Variants in CRB1 observed in about 807,000 individuals in gnomAD.
CRB1 encodes the protein crumbs cell polarity complex component 1, also known as protein crumbs homolog 1.
A neutral mutation model predicts 120.0 loss-of-function variants in CRB1; 83 were observed. The observed-to-expected ratio is 0.69, with a 90% CI of 0.58 to 0.83. The LOEUF (loss-of-function observed/expected upper bound fraction) is 0.83, where lower values mean the gene tolerates loss of function less well. Ranked by LOEUF, CRB1 falls within the 40% of genes least tolerant of loss-of-function variation. The probability of loss-of-function intolerance (pLI) is 0.00; values close to 1 mark genes in which losing one functional copy is unlikely to be tolerated. For missense variants in CRB1, 1,699 were observed against 1,687.6 expected (o/e 1.01, Z -0.12); for synonymous variants, 625 against 612.5 (o/e 1.02, Z -0.30).
intron 1 of CRB1, among the ~76,000 whole-genome samples, chr1:197,271,907 G>A (rs1218873924): frequency 1.3e-5 from 2 of 152,072 alleles, no homozygotes; most frequent in Non-Finnish European, 2.9e-5. Context: ...TACGTTTAAA[G>A]TATGATCACA....
rs184869404 is a variant in CRB1 at position 197,415,550 on chromosome 1, C to T, written c.1172-5450C>T. On this transcript the variant is annotated intron_variant, in intron 5 of 11. Coordinates refer to ENST00000367400, the MANE Select transcript of CRB1 (RefSeq NM_201253.3). ...TGTCACCTCTAAATGTTAAGCTTTC[C>T]CATCGATGAGTGTTTTGTTTATTCA... Among the ~76,000 whole-genome samples the T allele has an allele frequency of 2.4e-3, 367 of 152,212 alleles. 2 individuals carry two copies. Among genetic ancestry groups the T allele is most frequent in the Middle Eastern group, 6.8e-3 (2 of 294 alleles).
At chr1:197,201,797 C>T in the CRB1 span, among the ~76,000 whole-genome samples, 1 of 152,054 alleles carries the variant, frequency 6.6e-6, no homozygotes, top group Admixed American at 6.5e-5. Flanking sequence ...GATCTCGTTT[C>T]GTTATTTTTC....
intron 2 of CRB1, among the ~76,000 whole-genome samples, chr1:197,334,680 C>T (rs183142207): frequency 2.6e-3 from 391 of 152,258 alleles, no homozygotes; most frequent in Middle Eastern, 3.4e-3. Flanking sequence ...TTATAAATTA[C>T]CCAGTCCTAT....
chr1:197,424,777 T>C (rs1664500605), intron 6 of CRB1, among the ~76,000 whole-genome samples: 1 of 152,222 alleles, frequency 6.6e-6, no homozygotes, highest in African/African-American at 2.4e-5. Context: ...TTTATTCTTG[T>C]TAAATTTCAT....
At chr1:197,407,426 A>T (rs907573494) in intron 5 of CRB1, among the ~76,000 whole-genome samples, 1 of 152,230 alleles carries the variant, frequency 6.6e-6, no homozygotes, top group Non-Finnish European at 1.5e-5. Flanking sequence ...TTTTAGGAAC[A>T]GTTTAAATGC....
chr1:197,475,245 C>A (rs779399553), intron 11 of CRB1, among the ~76,000 whole-genome samples: 19 of 152,128 alleles, frequency 1.2e-4, no homozygotes, highest in Non-Finnish European at 2.5e-4. Flanking sequence ...ACCAGCTTTT[C>A]CCAGCCTGAC....
chr1:197,258,059 C>A, the CRB1 span, among the ~76,000 whole-genome samples: 3 of 152,226 alleles, frequency 2.0e-5, no homozygotes, highest in South Asian at 6.2e-4. Flanking sequence ...TTGATATTAT[C>A]TTTTATTCTA....
rs145201682 is a variant in CRB1, at chr1:197,426,650, G to A, written c.2129-804G>A. Among the ~76,000 whole-genome samples, 1,481 of 152,190 alleles carry A rather than the reference G, an allele frequency of 9.7e-3. 10 individuals are homozygous for A. The highest frequency in any genetic ancestry group is 0.014 in the Non-Finnish European group (944 of 68,010). Reference sequence around the variant, plus strand: ...GCATCACTAACTCCTCTGACCACAGGAAATGCAGGGTGGGTTTAATACTCA... The same window carrying A: ...GCATCACTAACTCCTCTGACCACAGAAAATGCAGGGTGGGTTTAATACTCA... On this transcript the variant is annotated intron_variant, in intron 6 of 11. Coordinates refer to ENST00000367400, the MANE Select transcript of CRB1 (RefSeq NM_201253.3).
intron 5 of CRB1, among the ~76,000 whole-genome samples, chr1:197,383,809 A>T (rs1318244694): frequency 6.6e-6 from 1 of 152,130 alleles, no homozygotes; most frequent in Non-Finnish European, 1.5e-5. Context: ...ATTTTGTTTT[A>T]CTGACTACCA....
intron 5 of CRB1, among the ~76,000 whole-genome samples, chr1:197,400,503 G>A: frequency 6.6e-6 from 1 of 150,608 alleles, no homozygotes; most frequent in Non-Finnish European, 1.5e-5. Flanking sequence ...TGATGATGAT[G>A]TAATACACAA....
At chr1:197,210,565 G>A in the CRB1 span, among the ~76,000 whole-genome samples, 1 of 151,990 alleles carries the variant, frequency 6.6e-6, no homozygotes, top group Non-Finnish European at 1.5e-5. Context: ...CCACAATCAT[G>A]TGAGCCAATT....
Position 197,277,777 on chromosome 1 carries a change from A to G in CRB1, c.70+9295A>G, listed in dbSNP as rs189847193. 5.8e-4 allele frequency among the ~76,000 whole-genome samples: 88 copies of G among 152,040 alleles called. No homozygotes were observed. In the East Asian group the frequency reaches 6.0e-3, roughly 10 times the overall value. On this transcript the variant is annotated intron_variant, in intron 1 of 11. Coordinates refer to ENST00000367400, the MANE Select transcript of CRB1 (RefSeq NM_201253.3). The stretch of plus-strand genomic sequence containing the variant: ...TGTGTATCTATAAATGCATCATTTA[A>G]ACTTTCTAGGTCTCCAATTTCTCAC...
intron 11 of CRB1, chr1:197,442,596 C>G: frequency 2.3e-6 from 3 of 1,311,276 alleles, no homozygotes; most frequent in Non-Finnish European, 2.0e-6. Context: ...AAATATTTTC[C>G]TATTCTAACT....
In CRB1 at chr1:197,344,372, C is replaced by T. The variant is rs367580749; in HGVS notation, c.744C>T (p.Cys248=). The T allele has an allele frequency of 2.1e-5, 34 of 1,613,912 alleles. No homozygotes were observed. The highest frequency in any genetic ancestry group is 3.3e-4 in the Middle Eastern group (2 of 6,082). The change falls in exon 3 of 12, where the codon TGC becomes TGT. Residue 248 remains cysteine (C), a synonymous_variant. Transcript: ENST00000367400. The part of the protein sequence containing the change: ...TCQDALGAYF[C]DCAPGFLGDH... ...AGGATGCTCTGGGGGCCTATTTCTG[C>T]GACTGTGCCCCTGGATTCCTGGGGG...
At chr1:197,413,923 A>G (rs1455289385) in intron 5 of CRB1, 1 of 456,736 alleles carries the variant, frequency 2.2e-6, no homozygotes, top group East Asian at 6.9e-5. Flanking sequence ...AGGTGTTTGG[A>G]TGGATACCTC....
rs931181837 is a variant in CRB1 at position 197,365,945 on chromosome 1, G to A, written c.1171+8932G>A. Among the ~76,000 whole-genome samples, 5 of 152,100 alleles carry A rather than the reference G, an allele frequency of 3.3e-5. 1 individual carries two copies. The highest frequency in any genetic ancestry group is 1.2e-4 in the African/African-American group (5 of 41,504). On this transcript the variant is annotated intron_variant, in intron 5 of 11. Coordinates refer to ENST00000367400, the MANE Select transcript of CRB1 (RefSeq NM_201253.3). ...TGTAGTTTTTAGTCATGCTTAGTGG[G>A]GAGAAACAGGGAGAGAGAAGTCTAT... is the stretch of plus-strand genomic sequence containing the variant.
chr1:197,272,930 A>G (rs991667576), intron 1 of CRB1, among the ~76,000 whole-genome samples: 1 of 152,218 alleles, frequency 6.6e-6, no homozygotes, highest in African/African-American at 2.4e-5. Context: ...AGGAAATCCC[A>G]GGAAGTAATT....
At chr1:197,339,715 G>A (rs1318450381) in intron 2 of CRB1, among the ~76,000 whole-genome samples, 1 of 152,184 alleles carries the variant, frequency 6.6e-6, no homozygotes, top group African/African-American at 2.4e-5. Flanking sequence ...TTGTGGCACG[G>A]AATCTTAACA....
At chr1:197,453,539 T>TATATAGAG (rs1553266395) in intron 11 of CRB1, among the ~76,000 whole-genome samples, 24 of 58,494 alleles carry the variant, frequency 4.1e-4, no homozygotes, top group African/African-American at 9.0e-4. Context: ...TATATATATA[T>TATATAGAG]AGAGAGAGAG....
Sources: allele counts gnomAD v4.1 joint callset (sites outside exome capture counted in the v4.1 genomes callset), GRCh38; gene constraint gnomAD v4.1.1; transcripts MANE v1.5; gene names NCBI Gene and HGNC (gene_info 2026-07-23, HGNC 2026-07-21).